LRP1B: variants seen among roughly 807,000 people sequenced by gnomAD.
LRP1B encodes low-density lipoprotein receptor-related protein 1B.
In LRP1B, 217 loss-of-function variants were observed where a neutral mutation model predicts 556.6. The ratio of observed to expected loss-of-function variants is 0.39; its 90% CI spans 0.35 to 0.44. LRP1B has a LOEUF of 0.44. Among genes scored for constraint, LRP1B ranks in the 20% least tolerant of loss-of-function variants. The pLI is 1.00. For synonymous variants in LRP1B, 2,047 were observed against 1,865.8 expected, an observed-to-expected ratio of 1.10 and a Z score of -2.50; for missense variants, 5,053 against 5,620.8, an observed-to-expected ratio of 0.90 and a Z score of 3.23.
chr2:142,083,983 CTTT>C (rs113213864), intron 1 of LRP1B, among the ~76,000 whole-genome samples: 3 of 141,708 alleles, frequency 2.1e-5, no homozygotes. Context: ...TTCTCTATGC[CTTT>C]TTTTTTTTTT....
At chr2:140,755,921 T>C (rs1387659899) in intron 35 of LRP1B, among the ~76,000 whole-genome samples, 1 of 151,914 alleles carries the variant, frequency 6.6e-6, no homozygotes, top group East Asian at 1.9e-4. Context: ...AAGTAAACTT[T>C]CTCAATTTGC....
At position 140,456,517 on chromosome 2, in the gene LRP1B, G is replaced by A. The variant is rs2105321930; in HGVS notation, c.9901C>T (p.Pro3301Ser). 1 of 1,613,350 alleles carries A rather than the reference G, an allele frequency of 6.2e-7. No individual in the cohort carries two copies. The highest frequency in any genetic ancestry group is 8.5e-7 in the Non-Finnish European group (1 of 1,179,528). ...TCAGCTGCCAGATAGAAGTTAGTGG[G>A]ACATGCACAAGTGTGGGTTTTTCCA... ...APGKTHTCACPTNFYLAADNR... is the reference protein window; with the variant it reads ...APGKTHTCACSTNFYLAADNR... Residue 3301 changes from proline (P) to serine (S), a missense_variant, in exon 62 of 91, where the codon CCC becomes TCC. Transcript: ENST00000389484.
intron 3 of LRP1B, among the ~76,000 whole-genome samples, chr2:141,334,869 T>C (rs1324825521): frequency 6.6e-6 from 1 of 152,122 alleles, no homozygotes; most frequent in Non-Finnish European, 1.5e-5. Context: ...TAATATTTTT[T>C]TAAAAAGACA....
At chr2:140,969,542 A>G (rs1339003420) in intron 18 of LRP1B, among the ~76,000 whole-genome samples, 6 of 152,108 alleles carry the variant, frequency 3.9e-5, no homozygotes, top group Non-Finnish European at 5.9e-5. Flanking sequence ...TAATATTGTT[A>G]TGTGTGAATT....
At chr2:141,892,651 C>G (rs924460285) in intron 1 of LRP1B, among the ~76,000 whole-genome samples, 15 of 152,048 alleles carry the variant, frequency 9.9e-5, no homozygotes, top group African/African-American at 3.4e-4. Context: ...TCATACTAAC[C>G]CTGGAGGGAA....
intron 6 of LRP1B, among the ~76,000 whole-genome samples, chr2:141,218,390 C>A (rs1682901075): frequency 6.6e-6 from 1 of 152,130 alleles, no homozygotes; most frequent in Non-Finnish European, 1.5e-5. Context: ...AACCTAGGTG[C>A]CCATCAATTG....
At chr2:140,409,780 C>A (rs185201463) in intron 66 of LRP1B, among the ~76,000 whole-genome samples, 2 of 151,332 alleles carry the variant, frequency 1.3e-5, no homozygotes, top group Non-Finnish European at 3.0e-5. Context: ...TCTTAAACTT[C>A]GGGACCAAGA....
At chr2:141,896,975 C>T (rs779802058) in intron 1 of LRP1B, among the ~76,000 whole-genome samples, 1 of 152,076 alleles carries the variant, frequency 6.6e-6, no homozygotes, top group Non-Finnish European at 1.5e-5. Flanking sequence ...CAATTGATAC[C>T]ACCACATGTT....
chr2:141,837,594 G>T (rs1473587874), intron 1 of LRP1B, among the ~76,000 whole-genome samples: 4 of 151,962 alleles, frequency 2.6e-5, no homozygotes, highest in African/African-American at 9.7e-5. Context: ...GGCTTTTGTA[G>T]TCATAAACTG....
chr2:141,990,227 G>T (rs892030304), intron 1 of LRP1B, among the ~76,000 whole-genome samples: 2 of 151,958 alleles, frequency 1.3e-5, no homozygotes, highest in South Asian at 2.1e-4. Context: ...GCTGAATAAA[G>T]TCTATAATCA....
intron 2 of LRP1B, among the ~76,000 whole-genome samples, chr2:141,518,947 T>C (rs1303823341): frequency 6.6e-6 from 1 of 151,696 alleles, no homozygotes; most frequent in Non-Finnish European, 1.5e-5. Flanking sequence ...TGAAACTCCT[T>C]CTCAAAAAAA....
At chr2:141,843,839 G>A (rs1378994853) in intron 1 of LRP1B, among the ~76,000 whole-genome samples, 5 of 152,110 alleles carry the variant, frequency 3.3e-5, no homozygotes, top group Non-Finnish European at 7.4e-5. Flanking sequence ...TGCTGAGGCA[G>A]TCAGTATGAG....
At chr2:141,115,457 TG>T (rs146797542) in intron 7 of LRP1B, among the ~76,000 whole-genome samples, 5 of 100,854 alleles carry the variant, frequency 5.0e-5, no homozygotes, top group African/African-American at 7.0e-5. Flanking sequence ...TTTTTGTTTT[TG>T]TTTTTTTTTT....
intron 66 of LRP1B, among the ~76,000 whole-genome samples, chr2:140,427,019 C>G (rs1010180142): frequency 1.3e-5 from 2 of 152,186 alleles, no homozygotes; most frequent in Non-Finnish European, 2.9e-5. Context: ...TCCTTTCAAT[C>G]TTGGCACCAC....
intron 1 of LRP1B, among the ~76,000 whole-genome samples, chr2:141,914,090 T>C (rs1229962719): frequency 4.6e-5 from 7 of 152,156 alleles, no homozygotes; most frequent in Non-Finnish European, 4.4e-5. Context: ...CAGCCTCGGC[T>C]TTAGCCCATC....
chr2:140,468,148 G>A (rs373624373), intron 60 of LRP1B, among the ~76,000 whole-genome samples: 12 of 150,922 alleles, frequency 8.0e-5, no homozygotes, highest in African/African-American at 2.0e-4. Context: ...GAACAATTTC[G>A]AGGCTCTCTT....
intron 78 of LRP1B, among the ~76,000 whole-genome samples, chr2:140,335,194 G>GTGTATATA: frequency 6.6e-6 from 1 of 151,104 alleles, no homozygotes; most frequent in African/African-American, 2.4e-5. Context: ...GTGTGCATGT[G>GTGTATATA]TATATATATA....
At chr2:140,973,077 T>C (rs1696484863) in intron 18 of LRP1B, among the ~76,000 whole-genome samples, 1 of 146,934 alleles carries the variant, frequency 6.8e-6, no homozygotes, top group African/African-American at 2.5e-5. Context: ...TATATATATA[T>C]ATATTTCTAA....
intron 66 of LRP1B, among the ~76,000 whole-genome samples, chr2:140,394,688 A>ATTGC (rs1684175533): frequency 6.6e-6 from 1 of 152,188 alleles, no homozygotes; most frequent in Non-Finnish European, 1.5e-5. Flanking sequence ...AGACAGCAAT[A>ATTGC]TGTCAAGCTA....
Sources: allele counts gnomAD v4.1 joint callset (sites outside exome capture counted in the v4.1 genomes callset), GRCh38; gene constraint gnomAD v4.1.1; transcripts MANE v1.5; gene names NCBI Gene and HGNC (gene_info 2026-07-23, HGNC 2026-07-21).